Variants in AFG2A observed in about 807,000 individuals in gnomAD.
AFG2A encodes the protein AAA ATPase AFG2A, also known as ATPase family gene 2 protein homolog A.
the AFG2A span, among the ~76,000 whole-genome samples, chr4:122,926,774 T>C: frequency 6.6e-6 from 1 of 152,222 alleles, no homozygotes; most frequent in East Asian, 1.9e-4. Context: ...AAGAAAACCA[T>C]TGTATACTTA....
chr4:123,095,081 G>GTATA, the AFG2A span, among the ~76,000 whole-genome samples: 2 of 48,394 alleles, frequency 4.1e-5, no homozygotes, highest in African/African-American at 8.2e-5. Context: ...GTGTGTGTGT[G>GTATA]TATATATATA....
the AFG2A span, among the ~76,000 whole-genome samples, chr4:123,266,357 A>C: frequency 6.6e-6 from 1 of 151,962 alleles, no homozygotes; most frequent in Non-Finnish European, 1.5e-5. Context: ...TAGATGACAT[A>C]ATTTATATAA....
At chr4:123,194,185 G>C in the AFG2A span, among the ~76,000 whole-genome samples, 1 of 152,174 alleles carries the variant, frequency 6.6e-6, no homozygotes, top group African/African-American at 2.4e-5. Flanking sequence ...TATTGGCAGG[G>C]AGAAAGCAAG....
the AFG2A span, among the ~76,000 whole-genome samples, chr4:123,206,016 A>T: frequency 0.042 from 6,344 of 152,228 alleles, 434 homozygotes; most frequent in African/African-American, 0.14. Context: ...ATGCAGTGAA[A>T]TATCTTTAAA....
At chr4:123,184,274 C>T in the AFG2A span, among the ~76,000 whole-genome samples, 2 of 152,110 alleles carry the variant, frequency 1.3e-5, no homozygotes, top group Non-Finnish European at 2.9e-5. Flanking sequence ...AAATAAGTAT[C>T]TATACACACT....
the AFG2A span, among the ~76,000 whole-genome samples, chr4:123,021,610 C>T: frequency 6.9e-3 from 1,053 of 152,282 alleles, 19 homozygotes; most frequent in African/African-American, 0.024. Flanking sequence ...CAGTGTGTCT[C>T]ACAGAGAGAT....
At chr4:123,242,314 C>T in the AFG2A span, among the ~76,000 whole-genome samples, 2 of 152,060 alleles carry the variant, frequency 1.3e-5, no homozygotes, top group Admixed American at 1.3e-4. Flanking sequence ...CAGTACTAAG[C>T]AAAAACAACA....
At chr4:123,138,796 C>G in the AFG2A span, among the ~76,000 whole-genome samples, 2 of 151,760 alleles carry the variant, frequency 1.3e-5, no homozygotes, top group Admixed American at 6.6e-5. Flanking sequence ...AGACTGGGAA[C>G]CATACTTTAT....
the AFG2A span, among the ~76,000 whole-genome samples, chr4:123,099,826 T>TA: frequency 1.3e-5 from 2 of 151,884 alleles, no homozygotes; most frequent in African/African-American, 4.8e-5. Context: ...ACCTGAATCT[T>TA]AAAGTTCCAT....
the AFG2A span, among the ~76,000 whole-genome samples, chr4:123,110,694 C>T: frequency 7.2e-5 from 11 of 152,160 alleles, no homozygotes; most frequent in African/African-American, 2.7e-4. Context: ...CTATACCAGG[C>T]ACAGCACACC....
the AFG2A span, among the ~76,000 whole-genome samples, chr4:123,280,914 G>T: frequency 6.6e-6 from 1 of 152,028 alleles, no homozygotes; most frequent in African/African-American, 2.4e-5. Flanking sequence ...TTGTTGCATA[G>T]TATTGTATTT....
At chr4:123,019,085 G>C in the AFG2A span, among the ~76,000 whole-genome samples, 1 of 151,932 alleles carries the variant, frequency 6.6e-6, no homozygotes, top group Non-Finnish European at 1.5e-5. Flanking sequence ...AAAGTATCTA[G>C]TATTTATTAA....
the AFG2A span, among the ~76,000 whole-genome samples, chr4:123,174,826 A>AAT: frequency 1.0e-3 from 154 of 150,380 alleles, 2 homozygotes; most frequent in East Asian, 0.012. Context: ...TTTTAAAAAA[A>AAT]ATATATATAT....
the AFG2A span, among the ~76,000 whole-genome samples, chr4:123,182,184 A>G: frequency 6.6e-6 from 1 of 152,328 alleles, no homozygotes; most frequent in Admixed American, 6.5e-5. Flanking sequence ...TTAAATCATC[A>G]TTAGGAGTCA....
At chr4:123,118,629 G>A in the AFG2A span, among the ~76,000 whole-genome samples, 1 of 151,642 alleles carries the variant, frequency 6.6e-6, no homozygotes, top group African/African-American at 2.4e-5. Context: ...TTGTCCAGGT[G>A]TCATTTTGTA....
At chr4:123,024,278 C>T in the AFG2A span, among the ~76,000 whole-genome samples, 4 of 131,736 alleles carry the variant, frequency 3.0e-5, no homozygotes, top group South Asian at 5.6e-4. Flanking sequence ...TGTGGCACAA[C>T]GGGTGATGAT....
the AFG2A span, among the ~76,000 whole-genome samples, chr4:122,968,027 G>A: frequency 6.6e-6 from 1 of 152,002 alleles, no homozygotes; most frequent in Non-Finnish European, 1.5e-5. Flanking sequence ...GTTTACAGAA[G>A]AATAAAGCAG....
At chr4:123,093,519 G>T in the AFG2A span, among the ~76,000 whole-genome samples, 23 of 150,356 alleles carry the variant, frequency 1.5e-4, no homozygotes, top group South Asian at 4.4e-3. Context: ...GCTTTGGCCA[G>T]TTTCTTCACT....
At chr4:123,288,601 T>C in the AFG2A span, among the ~76,000 whole-genome samples, 3 of 152,224 alleles carry the variant, frequency 2.0e-5, no homozygotes, top group African/African-American at 7.2e-5. Flanking sequence ...AGCTGTCTTA[T>C]GTTTGGCCAG....
Sources: allele counts gnomAD v4.1 joint callset (sites outside exome capture counted in the v4.1 genomes callset), GRCh38; gene constraint gnomAD v4.1.1; transcripts MANE v1.5; gene names NCBI Gene and HGNC (gene_info 2026-07-23, HGNC 2026-07-21).